Variants in STXBP5L observed in about 807,000 individuals in gnomAD.
STXBP5L encodes the protein syntaxin-binding protein 5-like.
In STXBP5L, 65 loss-of-function variants were observed where a neutral mutation model predicts 144.5. The observed-to-expected ratio is 0.45, with a 90% CI of 0.37 to 0.55. The LOEUF (loss-of-function observed/expected upper bound fraction) is 0.55. Among genes scored for constraint, STXBP5L ranks in the 20% least tolerant of loss-of-function variants. The pLI is 0.00. For missense variants in STXBP5L, 1,298 were observed against 1,405.5 expected, an observed-to-expected ratio of 0.92 and a Z score of 1.22; for synonymous variants, 505 against 469.6, an observed-to-expected ratio of 1.08 and a Z score of -0.97.
chr3:121,120,197 C>T (rs1297868821), intron 6 of STXBP5L, among the ~76,000 whole-genome samples: 1 of 151,234 alleles, frequency 6.6e-6, no homozygotes, highest in East Asian at 1.9e-4. Flanking sequence ...AGTGTTAGTG[C>T]AATCAAACCA....
chr3:120,977,822 A>G (rs1941257961), intron 3 of STXBP5L, among the ~76,000 whole-genome samples: 1 of 152,214 alleles, frequency 6.6e-6, no homozygotes, highest in Non-Finnish European at 1.5e-5. Context: ...TTGGCTGGAT[A>G]TGAAATTCTG....
intron 19 of STXBP5L, among the ~76,000 whole-genome samples, chr3:121,307,875 C>A (rs1239975864): frequency 2.6e-5 from 4 of 151,940 alleles, no homozygotes; most frequent in Admixed American, 6.6e-5. Flanking sequence ...CCAGATGCAT[C>A]ATAGTAAACA....
intron 20 of STXBP5L, among the ~76,000 whole-genome samples, chr3:121,356,298 A>C: frequency 6.6e-6 from 1 of 152,230 alleles, no homozygotes; most frequent in East Asian, 1.9e-4. Flanking sequence ...CTGCCCACAG[A>C]GGAGAAGTCT....
chr3:120,973,180 C>A (rs9836727), intron 3 of STXBP5L, among the ~76,000 whole-genome samples: 15,091 of 152,022 alleles, frequency 0.099, 1,179 homozygotes, highest in Admixed American at 0.2. Flanking sequence ...TATAATTCAG[C>A]TGTGAATTTG....
chr3:121,087,639 AT>A (rs1277788192), intron 5 of STXBP5L, among the ~76,000 whole-genome samples: 1 of 152,012 alleles, frequency 6.6e-6, no homozygotes, highest in East Asian at 1.9e-4. Context: ...CAGTCTATAT[AT>A]TTTAATTAAT....
At chr3:121,211,146 C>T (rs2048549068) in intron 10 of STXBP5L, among the ~76,000 whole-genome samples, 1 of 152,182 alleles carries the variant, frequency 6.6e-6, no homozygotes, top group African/African-American at 2.4e-5. Flanking sequence ...AGGTCCTTGA[C>T]ATCCCTTGTA....
rs1051203262 is a variant in STXBP5L at position 121,036,067 on chromosome 3, C to G, written c.288-5633C>G. Reference sequence around the variant, plus strand: ...AAAATTTGGGGGCTGGGCATGGTGGCTCACAACTGTAATCCAGCACTTTGG... The same window carrying G: ...AAAATTTGGGGGCTGGGCATGGTGGGTCACAACTGTAATCCAGCACTTTGG... On this transcript the variant is annotated intron_variant, in intron 3 of 26. Coordinates refer to ENST00000471454, the MANE Select transcript of STXBP5L (RefSeq NM_001308330.2). 2.0e-5 allele frequency among the ~76,000 whole-genome samples: 3 copies of G among 152,094 alleles called. No individual in the cohort carries two copies. The East Asian group carries it at 5.8e-4, about 29-fold the overall frequency.
intron 5 of STXBP5L, among the ~76,000 whole-genome samples, chr3:121,113,632 T>G (rs2044096077): frequency 6.6e-6 from 1 of 151,874 alleles, no homozygotes; most frequent in Non-Finnish European, 1.5e-5. Context: ...GAATATAAAT[T>G]GGACACACTG....
intron 3 of STXBP5L, among the ~76,000 whole-genome samples, chr3:120,975,424 C>G (rs935840325): frequency 1.3e-5 from 2 of 152,172 alleles, no homozygotes; most frequent in Non-Finnish European, 2.9e-5. Context: ...AGTTGCTTAT[C>G]AGCTTAAGGA....
rs776770985 is a variant in STXBP5L at position 121,045,440 on chromosome 3, C to T, written c.375C>T (p.Ala125=). The T allele has an allele frequency of 3.7e-6, 6 of 1,608,506 alleles. No individual in the cohort carries two copies. Among genetic ancestry groups the T allele is most frequent in the South Asian group, 3.3e-5 (3 of 89,566 alleles). The stretch of plus-strand genomic sequence containing the variant: ...TTATCTTCTTTTTGTTCTAGGGTGC[C>T]TTGGTCAGTGCAAGTTCAGATGATA... ...LQLQFLINEG[A]LVSASSDDTL... The change falls in exon 5 of 27, where the codon GCC becomes GCT. Residue 125 remains alanine, a synonymous_variant. Coordinates refer to ENST00000471454, the MANE Select transcript of STXBP5L (RefSeq NM_001308330.2).
At chr3:121,129,914 G>A (rs774164549) in intron 7 of STXBP5L, among the ~76,000 whole-genome samples, 2 of 151,874 alleles carry the variant, frequency 1.3e-5, no homozygotes, top group Non-Finnish European at 2.9e-5. Context: ...TAGGGTCTGG[G>A]GCATACAGAG....
chr3:120,937,771 A>T (rs559745518), intron 2 of STXBP5L, among the ~76,000 whole-genome samples: 1 of 152,326 alleles, frequency 6.6e-6, no homozygotes, highest in South Asian at 2.1e-4. Flanking sequence ...CTTAGGGTCT[A>T]TGTTGGAATT....
chr3:121,141,263 G>T (rs1021865855), intron 7 of STXBP5L, among the ~76,000 whole-genome samples: 14 of 151,888 alleles, frequency 9.2e-5, no homozygotes, highest in Admixed American at 8.5e-4. Flanking sequence ...ATTAGCTGGG[G>T]GTGGTTGCAC....
chr3:121,144,163 G>A, intron 7 of STXBP5L, among the ~76,000 whole-genome samples: 1 of 148,030 alleles, frequency 6.8e-6, no homozygotes, highest in African/African-American at 2.5e-5. Context: ...AAAAAATCTA[G>A]TAACCCGATT....
rs193244816 is a variant in STXBP5L, at chr3:121,071,603, C to T, written c.470+26068C>T. On this transcript the variant is annotated intron_variant, in intron 5 of 26. Coordinates refer to ENST00000471454, the MANE Select transcript of STXBP5L (RefSeq NM_001308330.2). ...GATACCTGCAACTTTAACAGCTGTG[C>T]GGATAGACAAGATCACAATATGGGG... Among the ~76,000 whole-genome samples the T allele has an allele frequency of 3.8e-4, 58 of 152,242 alleles. 2 individuals are homozygous for T. The highest frequency in any genetic ancestry group is 7.5e-4 in the Non-Finnish European group (51 of 68,032).
At chr3:121,346,659 T>A (rs571176632) in intron 20 of STXBP5L, among the ~76,000 whole-genome samples, 1 of 152,184 alleles carries the variant, frequency 6.6e-6, no homozygotes, top group Non-Finnish European at 1.5e-5. Flanking sequence ...TGGTGTGAGA[T>A]GGTATCTCAT....
intron 19 of STXBP5L, among the ~76,000 whole-genome samples, chr3:121,296,711 G>A (rs915454276): frequency 1.3e-5 from 2 of 151,988 alleles, no homozygotes; most frequent in Admixed American, 6.6e-5. Flanking sequence ...TAGACAGACT[G>A]AAAGGAATAG....
chr3:121,332,878 C>T (rs1240968942), intron 20 of STXBP5L, among the ~76,000 whole-genome samples: 1 of 151,886 alleles, frequency 6.6e-6, no homozygotes, highest in African/African-American at 2.4e-5. Flanking sequence ...AAAAAAGCAT[C>T]AGGTAACCTA....
chr3:121,060,441 G>C (rs915963009), intron 5 of STXBP5L, among the ~76,000 whole-genome samples: 1 of 151,882 alleles, frequency 6.6e-6, no homozygotes, highest in Non-Finnish European at 1.5e-5. Context: ...TTCCTTGTTT[G>C]TTGTGTCTCT....
Sources: allele counts gnomAD v4.1 joint callset (sites outside exome capture counted in the v4.1 genomes callset), GRCh38; gene constraint gnomAD v4.1.1; transcripts MANE v1.5; gene names NCBI Gene and HGNC (gene_info 2026-07-23, HGNC 2026-07-21).